Variants in SLC71A2 observed in about 807,000 individuals in gnomAD.
The protein encoded by SLC71A2 is solute carrier family 71 member 2.
the SLC71A2 span, among the ~76,000 whole-genome samples, chr9:94,433,974 A>G: frequency 7.2e-5 from 11 of 152,172 alleles, no homozygotes; most frequent in South Asian, 2.1e-4. Context: ...CTTTATAACA[A>G]TGTATTGTGT....
the SLC71A2 span, among the ~76,000 whole-genome samples, chr9:94,449,689 A>C: frequency 1.3e-5 from 2 of 152,260 alleles, no homozygotes; most frequent in Non-Finnish European, 2.9e-5. Flanking sequence ...TTCAACATAT[A>C]GTTACCATAT....
chr9:94,456,591 T>A, the SLC71A2 span, among the ~76,000 whole-genome samples: 1 of 147,168 alleles, frequency 6.8e-6, no homozygotes, highest in East Asian at 2.0e-4. Flanking sequence ...TCATTTTCCC[T>A]TTTCAGTTTT....
the SLC71A2 span, among the ~76,000 whole-genome samples, chr9:94,420,790 T>C: frequency 6.6e-6 from 1 of 152,030 alleles, no homozygotes; most frequent in Non-Finnish European, 1.5e-5. Flanking sequence ...TCCCAGCTAC[T>C]TGGGAGGCTG....
At chr9:94,433,207 T>G in the SLC71A2 span, 11 of 247,066 alleles carry the variant, frequency 4.5e-5, no homozygotes, top group South Asian at 5.1e-4. Context: ...GGTGTACAGC[T>G]CAGCCATGGC....
chr9:94,424,727 C>CTTTTTT, the SLC71A2 span, among the ~76,000 whole-genome samples: 4 of 91,816 alleles, frequency 4.4e-5, no homozygotes, highest in East Asian at 3.0e-4. Flanking sequence ...TTGTTTTCTG[C>CTTTTTT]TTTTTTTTTT....
chr9:94,431,041 G>A, the SLC71A2 span, among the ~76,000 whole-genome samples: 2 of 152,136 alleles, frequency 1.3e-5, no homozygotes, highest in Non-Finnish European at 2.9e-5. Flanking sequence ...GGCTGCACGC[G>A]GTGGCTCACG....
chr9:94,427,059 A>C, the SLC71A2 span, among the ~76,000 whole-genome samples: 1 of 152,158 alleles, frequency 6.6e-6, no homozygotes, highest in Non-Finnish European at 1.5e-5. Context: ...ATCTTCTCTG[A>C]GATATTTAAT....
the SLC71A2 span, among the ~76,000 whole-genome samples, chr9:94,446,088 ATCG>A: frequency 3.9e-5 from 6 of 152,146 alleles, no homozygotes; most frequent in African/African-American, 1.4e-4. Context: ...TTTCCGGGCA[ATCG>A]TGGGGATTAC....
the SLC71A2 span, chr9:94,429,067 T>G: frequency 9.2e-6 from 13 of 1,408,666 alleles, no homozygotes; most frequent in East Asian, 7.5e-5. Context: ...TTTTGAATTT[T>G]GTTGATATTT....
chr9:94,396,495 A>G, the SLC71A2 span, among the ~76,000 whole-genome samples: 1 of 152,222 alleles, frequency 6.6e-6, no homozygotes. Flanking sequence ...AGCCTGGGCA[A>G]CAGATGGGGA....
chr9:94,384,626 C>T, the SLC71A2 span, among the ~76,000 whole-genome samples: 1 of 152,224 alleles, frequency 6.6e-6, no homozygotes, highest in East Asian at 1.9e-4. Flanking sequence ...AGGCATGAGC[C>T]TCCATTCCTG....
chr9:94,457,112 A>G, the SLC71A2 span, among the ~76,000 whole-genome samples: 1 of 152,008 alleles, frequency 6.6e-6, no homozygotes, highest in African/African-American at 2.4e-5. Flanking sequence ...CTAGAGACGC[A>G]CACTACCATG....
chr9:94,446,345 C>G, the SLC71A2 span, among the ~76,000 whole-genome samples: 47,980 of 152,058 alleles, frequency 0.32, 7,858 homozygotes, highest in Admixed American at 0.45. Context: ...GACCTTATGG[C>G]TGGAGCGTAC....
chr9:94,438,556 A>T, the SLC71A2 span: 1 of 1,603,100 alleles, frequency 6.2e-7, no homozygotes, highest in Non-Finnish European at 8.5e-7. Flanking sequence ...TCACCTCCTG[A>T]CTGCTTGTTT....
chr9:94,453,600 G>A, the SLC71A2 span, among the ~76,000 whole-genome samples: 1 of 152,216 alleles, frequency 6.6e-6, no homozygotes, highest in South Asian at 2.1e-4. Flanking sequence ...TTCAGCAGGA[G>A]TTTGCTATTC....
At chr9:94,388,215 G>A in the SLC71A2 span, among the ~76,000 whole-genome samples, 1 of 151,340 alleles carries the variant, frequency 6.6e-6, no homozygotes, top group Non-Finnish European at 1.5e-5. Context: ...TGAAAAAAGA[G>A]TCATAAAATG....
At chr9:94,459,043 GC>G in the SLC71A2 span, 1 of 1,099,108 alleles carries the variant, frequency 9.1e-7, no homozygotes, top group Non-Finnish European at 1.3e-6. Context: ...TGAAACATTT[GC>G]TTATGAGAAT....
At chr9:94,402,534 T>C in the SLC71A2 span, among the ~76,000 whole-genome samples, 1 of 152,226 alleles carries the variant, frequency 6.6e-6, no homozygotes, top group Admixed American at 6.5e-5. Flanking sequence ...CTCAGATCAT[T>C]TGCCCATTTT....
the SLC71A2 span, among the ~76,000 whole-genome samples, chr9:94,452,696 C>CATATATTCAT: frequency 1.5e-5 from 1 of 66,156 alleles, no homozygotes; most frequent in South Asian, 4.3e-4. Context: ...CATATATATT[C>CATATATTCAT]ATATATTCAT....
Sources: allele counts gnomAD v4.1 joint callset (sites outside exome capture counted in the v4.1 genomes callset), GRCh38; gene constraint gnomAD v4.1.1; transcripts MANE v1.5; gene names NCBI Gene and HGNC (gene_info 2026-07-23, HGNC 2026-07-21).